AP2B1: variants seen among roughly 807,000 people sequenced by gnomAD.
AP2B1 encodes AP-2 complex subunit beta.
A neutral mutation model predicts 102.0 loss-of-function variants in AP2B1; 23 were observed. The observed-to-expected ratio is 0.23, with a 90% CI of 0.16 to 0.32. The LOEUF (loss-of-function observed/expected upper bound fraction) is 0.32. Ranked by LOEUF, AP2B1 falls within the 10% of genes least tolerant of loss-of-function variation. AP2B1 has a pLI of 1.00. For synonymous variants in AP2B1, 381 were observed against 421.2 expected (o/e 0.90, Z 1.17); for missense variants, 541 against 1,157.4 (o/e 0.47, Z 7.73).
Position 35,671,734 on chromosome 17 carries a change from C to CTTTT in AP2B1, c.2032-13_2032-10dup. The CTTTT allele has an allele frequency of 7.2e-7, 1 of 1,392,560 alleles. No homozygotes were observed. The highest frequency in any genetic ancestry group is 9.8e-7 in the Non-Finnish European group (1 of 1,017,422). The allele number at this position is 1,392,560 out of a possible 1,614,324, so 86.3% of individuals were successfully genotyped here. A position where few individuals can be genotyped will look rare whatever the true frequency, so the allele number is the denominator to read the frequency against. On this transcript the variant is annotated intron_variant, in intron 15 of 21. Transcript: ENST00000610402. Reference sequence around the variant, plus strand: ...CTGTTCTTCCCAATCTCCCCTCTCCCTTTTTTTTTTCTCCTGCAGGTGGGA... The same window carrying CTTTT: ...CTGTTCTTCCCAATCTCCCCTCTCCCTTTTTTTTTTTTTTCTCCTGCAGGTGGGA...
intron 9 of AP2B1, among the ~76,000 whole-genome samples, chr17:35,633,316 C>T (rs1020800551): frequency 8.7e-5 from 13 of 149,522 alleles, no homozygotes; most frequent in African/African-American, 3.2e-4. Flanking sequence ...GCATAGATTG[C>T]GCCACTGCAC....
Position 35,605,721 on chromosome 17 carries a change from G to A in AP2B1, c.160G>A (p.Val54Ile), listed in dbSNP as rs1422145750. The A allele has an allele frequency of 5.0e-6, 8 of 1,611,752 alleles. No individual in the cohort carries two copies. Among genetic ancestry groups the A allele is most frequent in the African/African-American group, 2.7e-5 (2 of 74,804 alleles). ...TCTTCTCAGTTCTCTCTTTCCAGAC[G>A]TAGTGAACTGTATGCAGACTGACAA... ...GKDVSSLFPDVVNCMQTDNLE... is the reference protein window; with the variant it reads ...GKDVSSLFPDIVNCMQTDNLE... The change falls in exon 4 of 22, where the codon GTA becomes ATA. Residue 54 changes from valine to isoleucine, a missense_variant. By Grantham distance (29) the Val-to-Ile change is conservative (BLOSUM62 3). Transcript: ENST00000610402.
chr17:35,672,424 G>C (rs893283704), intron 16 of AP2B1, among the ~76,000 whole-genome samples: 1 of 152,170 alleles, frequency 6.6e-6, no homozygotes, highest in Non-Finnish European at 1.5e-5. Flanking sequence ...AAGTTCAAGA[G>C]GGGAAACTCC....
intron 21 of AP2B1, among the ~76,000 whole-genome samples, chr17:35,718,159 G>C (rs980803468): frequency 6.6e-6 from 1 of 151,576 alleles, no homozygotes; most frequent in East Asian, 2.0e-4. Context: ...GAGCCTTTTA[G>C]TCATTTAGCT....
chr17:35,718,220 A>T (rs1268422802), intron 21 of AP2B1, among the ~76,000 whole-genome samples: 1 of 151,856 alleles, frequency 6.6e-6, no homozygotes, highest in East Asian at 1.9e-4. Flanking sequence ...GTCTGTTTTC[A>T]CTAGCATATA....
intron 5 of AP2B1, among the ~76,000 whole-genome samples, chr17:35,616,162 T>A (rs1392054256): frequency 8.8e-5 from 9 of 102,370 alleles, no homozygotes; most frequent in Non-Finnish European, 1.8e-4. Context: ...TTTTTTTTTT[T>A]TTTTTTTTTT....
At chr17:35,691,402 G>A (rs2076038456) in intron 18 of AP2B1, among the ~76,000 whole-genome samples, 2 of 152,176 alleles carry the variant, frequency 1.3e-5, no homozygotes, top group Non-Finnish European at 2.9e-5. Context: ...TATAGCTATT[G>A]TACCAGAAAA....
chr17:35,680,685 G>T (rs1369339011), intron 17 of AP2B1, among the ~76,000 whole-genome samples: 3 of 41,638 alleles, frequency 7.2e-5, no homozygotes, highest in East Asian at 3.8e-3. Flanking sequence ...CTATGGTTTT[G>T]GTTTTTTTTT....
chr17:35,602,618 A>AT (rs1237504605), intron 3 of AP2B1, among the ~76,000 whole-genome samples: 6 of 152,254 alleles, frequency 3.9e-5, no homozygotes, highest in African/African-American at 1.2e-4. Context: ...TGTAATCAAC[A>AT]TAAAAATTAT....
At chr17:35,713,702 C>T (rs1368646276) in intron 20 of AP2B1, 6 of 152,250 alleles carry the variant, frequency 3.9e-5, no homozygotes, top group African/African-American at 1.4e-4. Context: ...CAACTTAGCA[C>T]TGAGCTTTAC....
intron 9 of AP2B1, among the ~76,000 whole-genome samples, chr17:35,630,507 G>A (rs1184189651): frequency 6.6e-6 from 1 of 152,086 alleles, no homozygotes; most frequent in Non-Finnish European, 1.5e-5. Flanking sequence ...CTTCACTAGT[G>A]TACATAGCCA....
At chr17:35,720,975 A>G (rs1303352925) in intron 21 of AP2B1, among the ~76,000 whole-genome samples, 1 of 152,112 alleles carries the variant, frequency 6.6e-6, no homozygotes, top group African/African-American at 2.4e-5. Context: ...GGCAGACTCT[A>G]AAGTCATTCT....
chr17:35,629,185 T>A (rs2074397794), intron 9 of AP2B1, among the ~76,000 whole-genome samples: 1 of 152,180 alleles, frequency 6.6e-6, no homozygotes, highest in African/African-American at 2.4e-5. Context: ...TAGCCTCAAG[T>A]GATCCGCCTG....
intron 5 of AP2B1, among the ~76,000 whole-genome samples, chr17:35,617,223 G>A (rs1240948257): frequency 6.6e-6 from 1 of 152,044 alleles, no homozygotes; most frequent in African/African-American, 2.4e-5. Flanking sequence ...GCCTGGCTAA[G>A]TTTTGTATTT....
intron 5 of AP2B1, among the ~76,000 whole-genome samples, chr17:35,622,931 T>C (rs2074221681): frequency 6.6e-6 from 1 of 152,086 alleles, no homozygotes; most frequent in South Asian, 2.1e-4. Flanking sequence ...TCCCAAAGTG[T>C]TGGGTTTACA....
chr17:35,616,231 C>T (rs1598050779), intron 5 of AP2B1, among the ~76,000 whole-genome samples: 1 of 123,702 alleles, frequency 8.1e-6, no homozygotes, highest in Admixed American at 1.1e-4. Flanking sequence ...GTGGCGCGAT[C>T]TCGGCTCACT....
chr17:35,593,018 G>A (rs1481855584), intron 1 of AP2B1, among the ~76,000 whole-genome samples: 2 of 152,150 alleles, frequency 1.3e-5, no homozygotes, highest in Non-Finnish European at 2.9e-5. Context: ...GAAGAGTTAA[G>A]GTTGAGGTTG....
At chr17:35,610,934 A>AC (rs927187189) in intron 5 of AP2B1, among the ~76,000 whole-genome samples, 2 of 147,474 alleles carry the variant, frequency 1.4e-5, no homozygotes, top group Non-Finnish European at 3.0e-5. Context: ...ATTTTGTTGG[A>AC]CGTGGTGGTG....
At chr17:35,702,890 G>C (rs2076264404) in intron 18 of AP2B1, among the ~76,000 whole-genome samples, 1 of 152,168 alleles carries the variant, frequency 6.6e-6, no homozygotes, top group Non-Finnish European at 1.5e-5. Flanking sequence ...ATGCTGGTGA[G>C]GTTGTAGAGA....
Sources: allele counts gnomAD v4.1 joint callset (sites outside exome capture counted in the v4.1 genomes callset), GRCh38; gene constraint gnomAD v4.1.1; transcripts MANE v1.5; gene names NCBI Gene and HGNC (gene_info 2026-07-23, HGNC 2026-07-21).